Variants in C4orf50 observed in about 807,000 individuals in gnomAD.
C4orf50 encodes uncharacterized protein C4orf50.
C4orf50 carries 80 observed loss-of-function variants against 77.2 expected under a neutral mutation model. The ratio of observed to expected loss-of-function variants is 1.04; its 90% CI spans 0.87 to 1.25. C4orf50 has a LOEUF of 1.25. Among genes scored for constraint, C4orf50 ranks in the 50% most tolerant of loss-of-function variants. The pLI is 0.00. For missense variants in C4orf50, 1,257 were observed against 1,152.9 expected (o/e 1.09, Z -1.31); for synonymous variants, 532 against 465.3 (o/e 1.14, Z -1.84).
At chr4:5,975,750 A>G in intron 30 of C4orf50, 149 bp downstream of exon 8, 1 of 630,576 alleles carries the variant, frequency 1.6e-6, no homozygotes. Flanking sequence ...CAGCCTCCCA[A>G]AGTGCTGGGA....
rs557013373 is a variant in C4orf50 at position 5,938,886 on chromosome 4, C to T, written c.*2474+18015G>A. On this transcript the variant is annotated intron_variant, in intron 7 of 7. Coordinates refer to the C4orf50 transcript ENST00000324058. ...CCAAGTTTGCTGCTGTGACAGATGG[C>T]GTCTCCATCAAATAGCTTGCCTTCC... is the stretch of plus-strand genomic sequence containing the variant. 7.2e-5 allele frequency among the ~76,000 whole-genome samples: 11 copies of T among 152,028 alleles called. No homozygotes were observed. In the East Asian group the frequency reaches 1.7e-3, roughly 24 times the overall value.
rs1235970370 is a variant in C4orf50 at position 6,007,467 on chromosome 4, C to T, written c.963+529G>A. Among the ~76,000 whole-genome samples, 3 of 152,144 alleles carry T rather than the reference C, an allele frequency of 2.0e-5. No homozygotes were observed. Among genetic ancestry groups the T allele is most frequent in the African/African-American group, 7.2e-5 (3 of 41,420 alleles). On this transcript the variant is annotated intron_variant, in intron 25 of 33. Transcript: ENST00000531445. This position sits in a 1 kb window ranked among gnomAD's most constrained non-coding sequence, Gnocchi z 4.1. ...TGTGAACCAGGAAGCAGGCCCTCCCCCAACACCAAATCTGCTGGTGCCTTG... is the reference window on the plus strand; with the variant it reads ...TGTGAACCAGGAAGCAGGCCCTCCCTCAACACCAAATCTGCTGGTGCCTTG...
chr4:5,964,875 G>A, intron 33 of C4orf50, 149 bp downstream of exon 11: 1 of 615,132 alleles, frequency 1.6e-6, no homozygotes, highest in Non-Finnish European at 2.8e-6. Context: ...GAAACCAGGG[G>A]GCTGTTCGGG....
At chr4:5,898,313 A>G (rs1716211764) in intron 7 of C4orf50, 1 of 152,226 alleles carries the variant, frequency 6.6e-6, no homozygotes, top group Admixed American at 6.5e-5. Context: ...TCAGGTTGGT[A>G]GGATAGACCC....
intron 7 of C4orf50, among the ~76,000 whole-genome samples, chr4:5,939,758 G>C (rs186687545): frequency 6.6e-6 from 1 of 152,138 alleles, no homozygotes; most frequent in African/African-American, 2.4e-5. Flanking sequence ...CCTCAGCCCT[G>C]TCCCCTGTCC....
chr4:5,934,489 C>T (rs1042673190), intron 7 of C4orf50, among the ~76,000 whole-genome samples: 1 of 152,184 alleles, frequency 6.6e-6, no homozygotes, highest in African/African-American at 2.4e-5. Context: ...CAAGAGTCCT[C>T]TGCCGTCTGG....
intron 28 of C4orf50, among the ~76,000 whole-genome samples, chr4:5,982,099 G>A (rs1030107239): frequency 7.2e-5 from 11 of 152,208 alleles, no homozygotes; most frequent in Non-Finnish European, 1.6e-4. Context: ...TGAGATGCAC[G>A]GGCTGGGCCG....
In C4orf50 at chr4:5,992,170, A is replaced by G. The variant is rs59584644; in HGVS notation, c.1221+633T>C. On this transcript the variant is annotated intron_variant, in intron 27 of 33. Coordinates refer to ENST00000531445, the Ensembl canonical transcript of C4orf50. The surrounding 1 kb of genome is among the most constrained non-coding windows in gnomAD (Gnocchi z 5.0). ...GGAGCGAGGCATATAGGGATGTGAC[A>G]TCCAACAACAAAAATAAGAGATACA... 0.19 allele frequency among the ~76,000 whole-genome samples: 28,337 copies of G among 152,246 alleles called. 2,820 individuals are homozygous for G. Among genetic ancestry groups the G allele is most frequent in the African/African-American group, 0.21 (8,728 of 41,524 alleles).
At chr4:5,929,985 C>T (rs1717693791) in intron 7 of C4orf50, among the ~76,000 whole-genome samples, 3 of 152,176 alleles carry the variant, frequency 2.0e-5, no homozygotes, top group South Asian at 2.1e-4. Flanking sequence ...TTTATGCCCT[C>T]GTGAATGTAT....
At chr4:5,930,652 G>A (rs75529820) in intron 7 of C4orf50, among the ~76,000 whole-genome samples, 19 of 152,210 alleles carry the variant, frequency 1.2e-4, no homozygotes, top group Admixed American at 1.3e-4. Flanking sequence ...CTGGGGCCCC[G>A]CCCGCCCTGG....
intron 7 of C4orf50, among the ~76,000 whole-genome samples, chr4:5,945,912 C>T (rs77920026): frequency 0.014 from 2,079 of 152,250 alleles, 27 homozygotes; most frequent in African/African-American, 0.033. Context: ...CCAAGGATGA[C>T]GTCCCTGGCT....
intron 7 of C4orf50, among the ~76,000 whole-genome samples, chr4:5,922,122 G>A (rs1717302207): frequency 6.6e-6 from 1 of 152,172 alleles, no homozygotes; most frequent in Non-Finnish European, 1.5e-5. Flanking sequence ...AGATCCCAGT[G>A]GCTGGAAGAC....
At chr4:5,985,928 T>A (rs1720829822) in intron 28 of C4orf50, among the ~76,000 whole-genome samples, 1 of 152,190 alleles carries the variant, frequency 6.6e-6, no homozygotes, top group Non-Finnish European at 1.5e-5. Flanking sequence ...GAGATCATAC[T>A]ACTGCACTCC....
At chr4:5,947,313 G>A (rs1235428854) in intron 7 of C4orf50, among the ~76,000 whole-genome samples, 1 of 152,060 alleles carries the variant, frequency 6.6e-6, no homozygotes, top group Non-Finnish European at 1.5e-5. Context: ...TTTATATCAA[G>A]CCCCCAGCAG....
At chr4:5,936,578 A>AG (rs1718027597) in intron 7 of C4orf50, among the ~76,000 whole-genome samples, 1 of 150,998 alleles carries the variant, frequency 6.6e-6, no homozygotes, top group African/African-American at 2.4e-5. Flanking sequence ...AAAAAAAAAA[A>AG]AAAAAGAAAG....
intron 29 of C4orf50, among the ~76,000 whole-genome samples, chr4:5,976,295 CA>C (rs1021221753): frequency 7.3e-4 from 105 of 144,640 alleles, no homozygotes; most frequent in African/African-American, 1.4e-3. Flanking sequence ...AAAAAAAATA[CA>C]AAAAAAAAAA....
At position 6,008,136 on chromosome 4, in the gene C4orf50, G is replaced by A; in HGVS notation, c.823C>T (p.Leu275=). 1 of 399,046 alleles carries A rather than the reference G, an allele frequency of 2.5e-6. No individual in the cohort carries two copies. 24.7% of individuals were successfully genotyped at this position (399,046 alleles called of 1,614,324 possible). A position where few individuals can be genotyped will look rare whatever the true frequency, so the allele number is the denominator to read the frequency against. The change falls in exon 25 of 34, where the codon CTG becomes TTG. Residue 275 remains leucine (L), a synonymous_variant. Coordinates refer to ENST00000531445, the Ensembl canonical transcript of C4orf50. This position sits in a 1 kb window ranked among gnomAD's most constrained non-coding sequence, Gnocchi z 6.0. ...TAGATGCAGCAGCGCAGCTCCTCCA[G>A]CTGCCCGCGGAGCTGGCGCTCGGTG...
At chr4:5,902,797 A>G (rs1716397772) in intron 7 of C4orf50, 1 of 152,170 alleles carries the variant, frequency 6.6e-6, no homozygotes, top group African/African-American at 2.4e-5. Flanking sequence ...AGGCTGCAAT[A>G]GAAGGTTCCA....
chr4:6,002,863 A>G (rs1179572575), intron 25 of C4orf50, among the ~76,000 whole-genome samples: 2 of 152,264 alleles, frequency 1.3e-5, no homozygotes, highest in East Asian at 3.9e-4. Flanking sequence ...GACCCTGGAC[A>G]GGACACTGCA....
Sources: gnomAD v4.1 joint callset for allele counts (sites outside exome capture counted in the v4.1 genomes callset) on GRCh38, gnomAD v4.1.1 for gene constraint, Gnocchi (gnomAD v3.1) non-coding constraint, MANE v1.5 for transcripts, NCBI Gene and HGNC (gene_info 2026-07-23, HGNC 2026-07-21) for gene names.